Variants in SLC25A48 observed in about 807,000 individuals in gnomAD.
The protein encoded by SLC25A48 is CTC-321K16.1.
A neutral mutation model predicts 32.2 loss-of-function variants in SLC25A48; 29 were observed. The observed-to-expected ratio is 0.90, with a 90% CI of 0.67 to 1.23. The LOEUF (loss-of-function observed/expected upper bound fraction) is 1.23, where lower values mean the gene tolerates loss of function less well. Among genes scored for constraint, SLC25A48 ranks in the 50% most tolerant of loss-of-function variants. SLC25A48 has a pLI of 0.00. For synonymous variants in SLC25A48, 164 were observed against 172.3 expected, an observed-to-expected ratio of 0.95 and a Z score of 0.38; for missense variants, 399 against 422.7, an observed-to-expected ratio of 0.94 and a Z score of 0.49.
At chr5:135,625,214 G>T (rs1752417474) in intron 1 of SLC25A48, among the ~76,000 whole-genome samples, 1 of 152,166 alleles carries the variant, frequency 6.6e-6, no homozygotes, top group Non-Finnish European at 1.5e-5. Flanking sequence ...GAAGGGAAGG[G>T]TTTTCTGGGT....
At chr5:135,703,733 C>T (rs550837175) in intron 3 of SLC25A48, among the ~76,000 whole-genome samples, 106 of 152,310 alleles carry the variant, frequency 7.0e-4, no homozygotes, top group African/African-American at 2.2e-3. Context: ...AGTGACTGGC[C>T]CTGCCAGACC....
Position 135,746,774 on chromosome 5 carries a change from A to G in SLC25A48, c.-520-65749A>G, listed in dbSNP as rs73789124. Among the ~76,000 whole-genome samples the G allele has an allele frequency of 9.5e-3, 1,445 of 152,210 alleles. 30 individuals are homozygous for G. Among genetic ancestry groups the G allele is most frequent in the African/African-American group, 0.033 (1,357 of 41,520 alleles). ...TATATTCCAATTTTAATTGTTCCAA[A>G]TAAGACCCCTCCCACCCTAGATTCA... On this transcript the variant is annotated intron_variant, in intron 3 of 10. Coordinates refer to the SLC25A48 transcript ENST00000646290.
rs538723605 is a variant in SLC25A48, at chr5:135,668,988, A to G, written c.-521+34032A>G. Reference sequence around the variant, plus strand: ...CAGGACAAGTGTTTGGGTTATTCTAATAAAAGAGAATGTCAGTAATAATAA... The same window carrying G: ...CAGGACAAGTGTTTGGGTTATTCTAGTAAAAGAGAATGTCAGTAATAATAA... On this transcript the variant is annotated intron_variant, in intron 3 of 10. Coordinates refer to the SLC25A48 transcript ENST00000646290. 1.1e-4 allele frequency among the ~76,000 whole-genome samples: 17 copies of G among 152,278 alleles called. 1 individual carries two copies. Among genetic ancestry groups the G allele is most frequent in the African/African-American group, 3.6e-4 (15 of 41,568 alleles).
At chr5:135,824,123 G>C (rs1757962899) in intron 4 of SLC25A48, among the ~76,000 whole-genome samples, 1 of 152,166 alleles carries the variant, frequency 6.6e-6, no homozygotes, top group Non-Finnish European at 1.5e-5. Flanking sequence ...GCTGGGGCTG[G>C]GAAGGCTCTT....
intron 3 of SLC25A48, among the ~76,000 whole-genome samples, chr5:135,736,339 C>T (rs2126996464): frequency 6.6e-6 from 1 of 152,142 alleles, no homozygotes; most frequent in African/African-American, 2.4e-5. Context: ...CCATTTAGAG[C>T]CATTGTCAAG....
chr5:135,734,010 T>C (rs1339127338), intron 3 of SLC25A48, among the ~76,000 whole-genome samples: 2 of 151,748 alleles, frequency 1.3e-5, no homozygotes, highest in Non-Finnish European at 2.9e-5. Flanking sequence ...ACAGGTAAAA[T>C]GGGGGAATTG....
At chr5:135,585,907 G>A (rs1308108949) in intron 1 of SLC25A48, among the ~76,000 whole-genome samples, 4 of 152,040 alleles carry the variant, frequency 2.6e-5, no homozygotes, top group South Asian at 2.1e-4. Flanking sequence ...ATTAAATCTC[G>A]TAGACTCACT....
chr5:135,863,376 T>C (rs774977325), intron 4 of SLC25A48, among the ~76,000 whole-genome samples: 2 of 152,130 alleles, frequency 1.3e-5, no homozygotes, highest in African/African-American at 2.4e-5. Flanking sequence ...AGATTGCACC[T>C]GGAAGCATCA....
intron 3 of SLC25A48, among the ~76,000 whole-genome samples, chr5:135,765,352 G>A (rs1462407875): frequency 1.3e-5 from 2 of 151,472 alleles, no homozygotes; most frequent in African/African-American, 2.4e-5. Flanking sequence ...TTAATATCCA[G>A]GGGAAAAAAG....
Position 135,582,268 on chromosome 5 carries a change from TG to T in SLC25A48, c.-849+2676del, listed in dbSNP as rs569500510. 2.1e-3 allele frequency among the ~76,000 whole-genome samples: 323 copies of T among 152,268 alleles called. 1 individual carries two copies. Among genetic ancestry groups the T allele is most frequent in the African/African-American group, 7.5e-3 (312 of 41,540 alleles). On this transcript the variant is annotated intron_variant, in intron 1 of 10. Transcript: ENST00000646290. ...GTGTCCCAGGCGTTGTACGAGGTGC[TG>T]GGGGTTTGAGGTGAGCCAAGGCAGC...
chr5:135,775,125 C>T (rs1461445632), intron 3 of SLC25A48, among the ~76,000 whole-genome samples: 4 of 151,726 alleles, frequency 2.6e-5, no homozygotes, highest in Non-Finnish European at 4.4e-5. Flanking sequence ...GTGTACACGC[C>T]ATTTGTGATA....
At chr5:135,882,300 G>T (rs1244824327) in intron 7 of SLC25A48, among the ~76,000 whole-genome samples, 1 of 152,174 alleles carries the variant, frequency 6.6e-6, no homozygotes, top group Non-Finnish European at 1.5e-5. Flanking sequence ...AAATACCAAG[G>T]CCTTTTAACA....
At chr5:135,832,479 G>A (rs1324129074), upstream of SLC25A48, among the ~76,000 whole-genome samples, 1 of 152,144 alleles carries the variant, frequency 6.6e-6, no homozygotes, top group Non-Finnish European at 1.5e-5. Context: ...TTGCCTGAGA[G>A]AGTGGTTGGG....
intron 7 of SLC25A48, among the ~76,000 whole-genome samples, chr5:135,884,261 C>T (rs577743024): frequency 6.6e-6 from 1 of 152,308 alleles, no homozygotes; most frequent in Non-Finnish European, 1.5e-5. Flanking sequence ...AAGACCAAAG[C>T]AATTCTATGG....
chr5:135,874,675 A>G (rs1422704289), intron 6 of SLC25A48: 3 of 701,954 alleles, frequency 4.3e-6, no homozygotes, highest in African/African-American at 3.5e-5. Flanking sequence ...GCAGCCTCCA[A>G]CACGTTTCCC....
chr5:135,847,491 T>C (rs112136039), intron 2 of SLC25A48, among the ~76,000 whole-genome samples: 2 of 152,232 alleles, frequency 1.3e-5, no homozygotes, highest in Non-Finnish European at 2.9e-5. Context: ...CCTGTGAATG[T>C]CATCTTATAT....
intron 3 of SLC25A48, among the ~76,000 whole-genome samples, chr5:135,795,168 C>T (rs573560383): frequency 4.6e-5 from 7 of 151,806 alleles, no homozygotes; most frequent in Non-Finnish European, 1.0e-4. Flanking sequence ...CTCCCAATAT[C>T]GCAAGGGGTG....
At position 135,797,045 on chromosome 5, in the gene SLC25A48, C is replaced by T. The variant is rs577787544; in HGVS notation, c.-520-15478C>T. ...AAAGGACTAATATTACTCCCAATAT[C>T]GAGAGGGGTCTACATCCCTTCTGTG... On this transcript the variant is annotated intron_variant, in intron 3 of 10. Transcript: ENST00000646290. 2.6e-5 allele frequency among the ~76,000 whole-genome samples: 4 copies of T among 151,874 alleles called. No homozygotes were observed. In the South Asian group the frequency reaches 6.2e-4, roughly 24 times the overall value.
intron 3 of SLC25A48, among the ~76,000 whole-genome samples, chr5:135,697,378 A>AGGT (rs1754293973): frequency 6.6e-6 from 1 of 152,158 alleles, no homozygotes; most frequent in Non-Finnish European, 1.5e-5. Flanking sequence ...TGGGCTTGGT[A>AGGT]GGTGGTGATT....
Sources: allele counts gnomAD v4.1 joint callset (sites outside exome capture counted in the v4.1 genomes callset), GRCh38; gene constraint gnomAD v4.1.1; transcripts MANE v1.5; gene names NCBI Gene and HGNC (gene_info 2026-07-23, HGNC 2026-07-21).